The following SPOCK3 variants were observed in gnomAD, a reference collection of about 807,000 sequenced individuals.
SPOCK3 encodes testican-3.
In SPOCK3, 30 loss-of-function variants were observed where a neutral mutation model predicts 56.6. The observed-to-expected ratio is 0.53, with a 90% CI of 0.40 to 0.72. The LOEUF (loss-of-function observed/expected upper bound fraction) is 0.72. SPOCK3 is among the 30% of genes least tolerant of loss of function. The pLI is 0.00. For synonymous variants in SPOCK3, 196 were observed against 183.3 expected, an observed-to-expected ratio of 1.07 and a Z score of -0.56; for missense variants, 527 against 530.0, an observed-to-expected ratio of 0.99 and a Z score of 0.06.
At chr4:167,019,601 T>C (rs1467197134) in intron 3 of SPOCK3, among the ~76,000 whole-genome samples, 1 of 151,946 alleles carries the variant, frequency 6.6e-6, no homozygotes, top group African/African-American at 2.4e-5. Flanking sequence ...TTTAGTTTTT[T>C]ATCCCGAATT....
intron 2 of SPOCK3, among the ~76,000 whole-genome samples, chr4:167,089,743 T>C (rs951888502): frequency 2.0e-5 from 3 of 152,182 alleles, no homozygotes; most frequent in South Asian, 4.1e-4. Flanking sequence ...ACAAACAAGA[T>C]ATAGAACAGT....
chr4:166,735,128 C>T, intron 10 of SPOCK3, 38 bp from the exon 11 acceptor site: 1 of 1,220,292 alleles, frequency 8.2e-7, no homozygotes, highest in Admixed American at 2.3e-5. Context: ...CTTTATTTGA[C>T]TGAATACTGT....
chr4:166,844,255 C>G (rs1747819916), intron 6 of SPOCK3, among the ~76,000 whole-genome samples: 1 of 152,226 alleles, frequency 6.6e-6, no homozygotes, highest in African/African-American at 2.4e-5. Flanking sequence ...ATATTAACCA[C>G]TTTTCCCCCA....
chr4:166,833,101 G>C (rs1746255775), intron 6 of SPOCK3, among the ~76,000 whole-genome samples: 1 of 152,138 alleles, frequency 6.6e-6, no homozygotes, highest in South Asian at 2.1e-4. Flanking sequence ...TTATATACGT[G>C]TGTGTGTGTC....
chr4:166,934,542 C>T (rs1339328838), intron 4 of SPOCK3, among the ~76,000 whole-genome samples: 1 of 151,954 alleles, frequency 6.6e-6, no homozygotes, highest in East Asian at 1.9e-4. Context: ...AATATCACCA[C>T]CCAAAGATAC....
intron 3 of SPOCK3, among the ~76,000 whole-genome samples, chr4:167,041,884 A>G (rs1372393596): frequency 1.3e-5 from 2 of 152,202 alleles, no homozygotes; most frequent in African/African-American, 4.8e-5. Context: ...ATACAATTTT[A>G]TGTATTAATT....
chr4:166,943,874 A>T (rs13138278), intron 4 of SPOCK3, among the ~76,000 whole-genome samples: 3,839 of 152,288 alleles, frequency 0.025, 79 homozygotes, highest in Middle Eastern at 0.065. Flanking sequence ...GGCCACGCAC[A>T]GTGGCTCCTG....
intron 4 of SPOCK3, among the ~76,000 whole-genome samples, chr4:166,973,330 G>T (rs1745594429): frequency 1.3e-5 from 2 of 152,074 alleles, no homozygotes; most frequent in African/African-American, 4.8e-5. Flanking sequence ...TCAGTCTCAG[G>T]TAGTATCTTT....
intron 3 of SPOCK3, among the ~76,000 whole-genome samples, chr4:167,049,188 T>C (rs972580214): frequency 6.6e-6 from 1 of 151,662 alleles, no homozygotes. Context: ...CACTGCAACC[T>C]CTGCCTCCTG....
chr4:167,047,289 T>C lies in SPOCK3; in HGVS notation c.235+15203A>G, dbSNP rs184882067. Among the ~76,000 whole-genome samples the C allele has an allele frequency of 5.5e-3, 835 of 152,236 alleles. 3 individuals carry two copies. Among genetic ancestry groups the C allele is most frequent in the Admixed American group, 0.011 (173 of 15,280 alleles). ...AGGGTAACTATAAAAATAATTTGAG[T>C]AGAGAGAAGTTATACTAAGTAGAAA... is the stretch of plus-strand genomic sequence containing the variant. On this transcript the variant is annotated intron_variant, in intron 3 of 10. Transcript: ENST00000357545.
chr4:167,173,206 G>A (rs768422984), intron 2 of SPOCK3, among the ~76,000 whole-genome samples: 1 of 152,006 alleles, frequency 6.6e-6, no homozygotes, highest in Non-Finnish European at 1.5e-5. Context: ...TGCAGAAGTG[G>A]CACTTTATTT....
At chr4:167,087,433 T>C (rs914560399) in intron 2 of SPOCK3, among the ~76,000 whole-genome samples, 4 of 152,178 alleles carry the variant, frequency 2.6e-5, no homozygotes, top group Non-Finnish European at 5.9e-5. Context: ...AACAAATATA[T>C]TGACGTTACA....
chr4:166,737,964 T>C (rs1346167307), intron 9 of SPOCK3, among the ~76,000 whole-genome samples: 1 of 152,216 alleles, frequency 6.6e-6, no homozygotes, highest in Admixed American at 6.6e-5. Context: ...CCACTTAGCA[T>C]GGCAGAAGAC....
At chr4:167,141,076 G>A (rs981076989) in intron 2 of SPOCK3, among the ~76,000 whole-genome samples, 4 of 151,954 alleles carry the variant, frequency 2.6e-5, no homozygotes, top group African/African-American at 7.2e-5. Flanking sequence ...TTGGCCTCCT[G>A]AGAAGCTCTA....
chr4:167,170,886 T>A (rs1730441693), intron 2 of SPOCK3, among the ~76,000 whole-genome samples: 1 of 152,116 alleles, frequency 6.6e-6, no homozygotes, highest in African/African-American at 2.4e-5. Context: ...TTCTATTTAC[T>A]GACAGTACAG....
At chr4:167,187,827 C>G (rs1030673792) in intron 2 of SPOCK3, among the ~76,000 whole-genome samples, 2 of 152,060 alleles carry the variant, frequency 1.3e-5, no homozygotes, top group Non-Finnish European at 2.9e-5. Context: ...CCATTAATTA[C>G]AGAGGACATT....
intron 8 of SPOCK3, among the ~76,000 whole-genome samples, chr4:166,747,883 T>C (rs372782595): frequency 1.3e-5 from 2 of 152,076 alleles, no homozygotes; most frequent in Non-Finnish European, 2.9e-5. Flanking sequence ...CTCCCATTCA[T>C]AATTGCTTCA....
intron 8 of SPOCK3, among the ~76,000 whole-genome samples, chr4:166,742,922 T>G (rs956217365): frequency 6.6e-6 from 1 of 152,204 alleles, no homozygotes; most frequent in East Asian, 1.9e-4. Flanking sequence ...CAACCGCTAA[T>G]TGAAAATTTT....
At chr4:166,987,781 AG>A (rs760972740) in intron 4 of SPOCK3, among the ~76,000 whole-genome samples, 3 of 152,220 alleles carry the variant, frequency 2.0e-5, no homozygotes, top group Non-Finnish European at 2.9e-5. Context: ...TTCTATTTAC[AG>A]AAGGACTACA....
Sources: allele counts gnomAD v4.1 joint callset (sites outside exome capture counted in the v4.1 genomes callset), GRCh38; gene constraint gnomAD v4.1.1; transcripts MANE v1.5; gene names NCBI Gene and HGNC (gene_info 2026-07-23, HGNC 2026-07-21).